Variants in SPIB observed in about 807,000 individuals in gnomAD.
SPIB encodes the protein transcription factor Spi-B.
In SPIB, 7 loss-of-function variants were observed where a neutral mutation model predicts 31.9. That is an observed-to-expected ratio of 0.22 (90% CI 0.12 to 0.41). The LOEUF is 0.41. Among genes scored for constraint, SPIB ranks in the 10% least tolerant of loss-of-function variants. SPIB has a pLI of 1.00. For synonymous variants in SPIB, 176 were observed against 158.9 expected, an observed-to-expected ratio of 1.11 and a Z score of -0.81; for missense variants, 327 against 360.2, an observed-to-expected ratio of 0.91 and a Z score of 0.75.
Position 50,422,892 on chromosome 19 carries a change from C to T in SPIB, c.194C>T (p.Ala65Val), listed in dbSNP as rs1198358284. The change falls in exon 4 of 6, where the codon GCA becomes GTA. Residue 65 changes from alanine (A) to valine (V), a missense_variant. Physicochemically the swap from Ala to Val is moderately conservative, Grantham distance 64. Around this residue, in one of 4 missense-constraint regions of SPIB, gnomAD observed 238 missense variants for 228.8 expected, o/e 1.04. Coordinates refer to ENST00000595883, the MANE Select transcript of SPIB (RefSeq NM_003121.5). Reference protein sequence around the residue: ...ATPYEAFDPAAAAFSHPQAAQ... With the variant: ...ATPYEAFDPAVAAFSHPQAAQ... ...CCCTATGAAGCCTTCGACCCGGCAG[C>T]AGCCGCTTTTAGCCACCCCCAGGCT... 6.2e-7 allele frequency: 1 copy of T among 1,611,304 alleles called. No individual in the cohort carries two copies. The highest frequency in any genetic ancestry group is 2.2e-5 in the East Asian group (1 of 44,844).
At chr19:50,422,041 C>T (rs62113959) in intron 2 of SPIB, among the ~76,000 whole-genome samples, 79,686 of 152,188 alleles carry the variant, frequency 0.52, 23,261 homozygotes, top group Non-Finnish European at 0.65. Flanking sequence ...TGAGCCACCA[C>T]GCCTGGCCTG....
intron 5 of SPIB, among the ~76,000 whole-genome samples, chr19:50,424,717 G>C (rs149237753): frequency 0.014 from 2,090 of 152,112 alleles, 32 homozygotes; most frequent in Non-Finnish European, 0.019. Context: ...GGAGGCAGAG[G>C]TTGCAGTAAG....
Position 50,423,055 on chromosome 19 carries a change from A to G in SPIB, c.339+18A>G, listed in dbSNP as rs1405020809. The G allele has an allele frequency of 2.4e-6, 3 of 1,227,142 alleles. No individual in the cohort carries two copies. The South Asian group carries it at 4.5e-5, about 19-fold the overall frequency. 76.0% of individuals were successfully genotyped at this position (1,227,142 alleles called of 1,614,324 possible). ...CTAGCCAGGTGAGTGGTAAGGGGAC[A>G]GTTAAAATCAAGCCCAAACCAGGTG... On this transcript the variant is annotated intron_variant, in intron 4 of 5. Coordinates refer to ENST00000595883, the MANE Select transcript of SPIB (RefSeq NM_003121.5).
rs1181107030 is a variant in SPIB at position 50,431,202 on chromosome 19, T to C, written c.*2866T>C. ...GCGGTGGCTCTGTAATCCCAACACTTTGGGGGGCCAAGGCAGGAGGATCGC... is the reference window on the plus strand; with the variant it reads ...GCGGTGGCTCTGTAATCCCAACACTCTGGGGGGCCAAGGCAGGAGGATCGC... On this transcript the variant is annotated 3_prime_UTR_variant, in exon 6 of 6. Coordinates refer to ENST00000595883, the MANE Select transcript of SPIB (RefSeq NM_003121.5). 1 of 152,014 alleles carries C rather than the reference T, an allele frequency of 6.6e-6. No individual in the cohort carries two copies. Among genetic ancestry groups the C allele is most frequent in the Non-Finnish European group, 1.5e-5 (1 of 68,014 alleles). 9.4% of individuals were successfully genotyped at this position (152,014 alleles called of 1,614,324 possible). A position where few individuals can be genotyped will look rare whatever the true frequency, so the allele number is the denominator to read the frequency against.
At chr19:50,424,894 G>A (rs553849663) in intron 5 of SPIB, among the ~76,000 whole-genome samples, 1 of 151,992 alleles carries the variant, frequency 6.6e-6, no homozygotes, top group East Asian at 2.0e-4. Context: ...AGGAGGCAAA[G>A]GTTGCAGTGA....
Position 50,427,158 on chromosome 19 carries a change from G to A in SPIB, c.491-880G>A, listed in dbSNP as rs1244388199. Among the ~76,000 whole-genome samples the A allele has an allele frequency of 3.9e-5, 6 of 151,902 alleles. No homozygotes were observed. The East Asian group carries it at 5.9e-4, about 15-fold the overall frequency. ...AAAAAAGAAATTAAGATGTCACTAC[G>A]TCACCACCCCAAGGTCACACTGCTG... On this transcript the variant is annotated intron_variant, in intron 5 of 5. Transcript: ENST00000595883.
rs1413711828 is a variant in SPIB at position 50,429,668 on chromosome 19, A to G, written c.*1332A>G. ...GGCTGTAGTGAGCTGTAATCGTGCC[A>G]CTGCACTCCAGCCTGGGCGACAGAG... On this transcript the variant is annotated 3_prime_UTR_variant, in exon 6 of 6. Coordinates refer to ENST00000595883, the MANE Select transcript of SPIB (RefSeq NM_003121.5). 6.6e-6 allele frequency: 1 copy of G among 152,206 alleles called. No individual in the cohort carries two copies. The highest frequency in any genetic ancestry group is 1.5e-5 in the Non-Finnish European group (1 of 68,130). The allele number at this position is 152,206 out of a possible 1,614,324, so 9.4% of individuals were successfully genotyped here.
At chr19:50,421,614 C>A (rs1436627460) in intron 2 of SPIB, among the ~76,000 whole-genome samples, 1 of 151,352 alleles carries the variant, frequency 6.6e-6, no homozygotes, top group Non-Finnish European at 1.5e-5. Context: ...AGCCACCATG[C>A]CCGGCCTATT....
chr19:50,421,417 G>T (rs1896849249), intron 2 of SPIB, among the ~76,000 whole-genome samples: 2 of 151,986 alleles, frequency 1.3e-5, no homozygotes, highest in Admixed American at 6.6e-5. Flanking sequence ...CAGCCTCCTG[G>T]GTTCAAGCGA....
chr19:50,419,759 C>T (rs2039466223), intron 1 of SPIB, 187 bp from the exon 2 acceptor site: 2 of 502,402 alleles, frequency 4.0e-6, no homozygotes, highest in Non-Finnish European at 6.8e-6. Context: ...ATTTGCCTCC[C>T]CCCCACCCCC....
intron 2 of SPIB, among the ~76,000 whole-genome samples, chr19:50,421,048 C>CT: frequency 6.6e-6 from 1 of 152,216 alleles, no homozygotes; most frequent in East Asian, 1.9e-4. Context: ...GTATAGTACT[C>CT]TATCTATGAT....
intron 2 of SPIB, among the ~76,000 whole-genome samples, chr19:50,420,685 T>A (rs1416397830): frequency 6.6e-6 from 1 of 152,252 alleles, no homozygotes; most frequent in Non-Finnish European, 1.5e-5. Context: ...TGGAGTGCAG[T>A]GGCAGCGTCT....
rs375899923 is a variant in SPIB at position 50,423,601 on chromosome 19, G to A, written c.340-4G>A. ...GACATGCAGGTGACCCTGACCTTCCGCAGACCCTGGTTCCCCCGGCATATG... is the reference window on the plus strand; with the variant it reads ...GACATGCAGGTGACCCTGACCTTCCACAGACCCTGGTTCCCCCGGCATATG... On this transcript the variant is annotated splice_polypyrimidine_tract_variant and splice_region_variant and intron_variant, in intron 4 of 5. Coordinates refer to ENST00000595883, the MANE Select transcript of SPIB (RefSeq NM_003121.5). 41 of 1,612,842 alleles carry A rather than the reference G, an allele frequency of 2.5e-5. No individual in the cohort carries two copies. The highest frequency in any genetic ancestry group is 6.7e-5 in the East Asian group (3 of 44,874).
intron 1 of SPIB, 154 bp from the exon 2 acceptor site, chr19:50,419,792 T>G (rs1601259073): frequency 3.1e-6 from 2 of 642,726 alleles, no homozygotes; most frequent in Non-Finnish European, 2.5e-6. Context: ...CAGCAGGGGG[T>G]AGTGGGGGAG....
At position 50,428,434 on chromosome 19, in the gene SPIB, T is replaced by A. The variant is rs534350893; in HGVS notation, c.*98T>A. On this transcript the variant is annotated 3_prime_UTR_variant, in exon 6 of 6. Transcript: ENST00000595883. The surrounding 1 kb of genome is among the most constrained non-coding windows in gnomAD (Gnocchi z 6.5). ...AAGGGCGTCCCCACACTCTAGGTGA[T>A]AGGACTTACGCATCCCCACCTTTTG... is the stretch of plus-strand genomic sequence containing the variant. 2 of 1,321,350 alleles carry A rather than the reference T, an allele frequency of 1.5e-6. No individual in the cohort carries two copies. Among genetic ancestry groups the A allele is most frequent in the East Asian group, 5.1e-5 (2 of 39,120 alleles). 81.9% of individuals were successfully genotyped at this position (1,321,350 alleles called of 1,614,324 possible). A position where few individuals can be genotyped will look rare whatever the true frequency, so the allele number is the denominator to read the frequency against.
At chr19:50,426,821 G>A (rs573729505) in intron 5 of SPIB, among the ~76,000 whole-genome samples, 7 of 152,106 alleles carry the variant, frequency 4.6e-5, no homozygotes, top group Non-Finnish European at 8.8e-5. Flanking sequence ...GATGAATGCC[G>A]AGGCAGCCTA....
At chr19:50,427,978 A>G in intron 5 of SPIB, 60 bp from the exon 6 acceptor site, 1 of 1,429,778 alleles carries the variant, frequency 7.0e-7, no homozygotes, top group South Asian at 1.5e-5. Context: ...AGGAGGGTGG[A>G]TGGGGAAGGC....
intron 5 of SPIB, 77 bp from the exon 6 acceptor site, chr19:50,427,961 G>C: frequency 7.1e-7 from 1 of 1,417,708 alleles, no homozygotes; most frequent in Non-Finnish European, 9.3e-7. Flanking sequence ...CGGGGTGGAA[G>C]TCTCGGAGGA....
At position 50,428,044 on chromosome 19, in the gene SPIB, G is replaced by C. The variant is rs373824265; in HGVS notation, c.497G>C (p.Arg166Pro). The change falls in exon 6 of 6, where the codon CGC becomes CCC. Residue 166 changes from arginine (R) to proline (P), a missense_variant. By Grantham distance (103) the Arg-to-Pro change is moderately radical. This residue lies in a region of SPIB where 238 missense variants were observed against 228.8 expected (regional missense o/e 1.04). Coordinates refer to ENST00000595883, the MANE Select transcript of SPIB (RefSeq NM_003121.5). This position sits in a 1 kb window ranked among gnomAD's most constrained non-coding sequence, Gnocchi z 6.5. Reference protein sequence around the residue: ...PEGKGSEAGTRKKLRLYQFLL... With the variant: ...PEGKGSEAGTPKKLRLYQFLL... Reference sequence around the variant, plus strand: ...GCCCCCGACCCCACCGCAGGGACTCGCAAGAAGCTGCGCCTGTACCAGTTC... The same window carrying C: ...GCCCCCGACCCCACCGCAGGGACTCCCAAGAAGCTGCGCCTGTACCAGTTC... 6.6e-7 allele frequency: 1 copy of C among 1,524,074 alleles called. No individual in the cohort carries two copies. The highest frequency in any genetic ancestry group is 8.9e-7 in the Non-Finnish European group (1 of 1,129,408). The allele number at this position is 1,524,074 out of a possible 1,614,324, so 94.4% of individuals were successfully genotyped here. A position where few individuals can be genotyped will look rare whatever the true frequency, so the allele number is the denominator to read the frequency against.
Sources: allele counts gnomAD v4.1 joint callset (sites outside exome capture counted in the v4.1 genomes callset), GRCh38; gene constraint gnomAD v4.1.1; regional missense constraint gnomAD v4.1.1; non-coding constraint Gnocchi (gnomAD v3.1); transcripts MANE v1.5; gene names NCBI Gene and HGNC (gene_info 2026-07-23, HGNC 2026-07-21).